MORF4L1: variants seen among roughly 807,000 people sequenced by gnomAD.
MORF4L1 encodes the protein mortality factor 4 like 1, also known as mortality factor 4-like protein 1.
Under a neutral mutation model 52.9 loss-of-function variants are expected in MORF4L1, and 4 were observed. The ratio of observed to expected loss-of-function variants is 0.08; its 90% CI spans 0.04 to 0.17. The LOEUF (loss-of-function observed/expected upper bound fraction) is 0.17, where lower values mean the gene tolerates loss of function less well. Among genes scored for constraint, MORF4L1 ranks in the 10% least tolerant of loss-of-function variants. The probability of loss-of-function intolerance (pLI) is 1.00; values close to 1 mark genes in which losing one functional copy is unlikely to be tolerated. For missense variants in MORF4L1, 214 were observed against 390.4 expected (o/e 0.55, Z 3.81); for synonymous variants, 123 against 134.8 (o/e 0.91, Z 0.61).
At chr15:78,894,677 G>A (rs112817522) in intron 10 of MORF4L1, 143 bp from the exon 11 acceptor site, 36,220 of 655,510 alleles carry the variant, frequency 0.055, 1,134 homozygotes, top group East Asian at 0.096. Flanking sequence ...CAAAGTGCTG[G>A]GATTACAGGC....
Position 78,898,027 on chromosome 15 carries a change from C to G in MORF4L1, c.*960C>G, listed in dbSNP as rs892228171. On this transcript the variant is annotated 3_prime_UTR_variant, in exon 12 of 12. Coordinates refer to ENST00000426013, the MANE Select transcript of MORF4L1 (RefSeq NM_006791.4). Reference sequence around the variant, plus strand: ...ATTTTCACCTGTGTAAAATTATGGTCAGCTTTTTTCTGTCTATAATTGTTT... The same window carrying G: ...ATTTTCACCTGTGTAAAATTATGGTGAGCTTTTTTCTGTCTATAATTGTTT... 4 of 152,088 alleles carry G rather than the reference C, an allele frequency of 2.6e-5. No homozygotes were observed. Among genetic ancestry groups the G allele is most frequent in the African/African-American group, 9.7e-5 (4 of 41,414 alleles). 9.4% of individuals were successfully genotyped at this position (152,088 alleles called of 1,614,324 possible). A position where few individuals can be genotyped will look rare whatever the true frequency, so the allele number is the denominator to read the frequency against.
chr15:78,889,227 C>G (rs1219710445), intron 5 of MORF4L1, among the ~76,000 whole-genome samples: 3 of 152,200 alleles, frequency 2.0e-5, no homozygotes, highest in African/African-American at 7.2e-5. Flanking sequence ...GAAGGATCCT[C>G]AGTCTAGACG....
chr15:78,894,253 A>G, intron 10 of MORF4L1, 23 bp downstream of exon 10: 1 of 1,570,608 alleles, frequency 6.4e-7, no homozygotes, highest in Non-Finnish European at 8.6e-7. Flanking sequence ...GTAGAAAATA[A>G]TGGATTTTAC....
At position 78,879,882 on chromosome 15, in the gene MORF4L1, G is replaced by C. The variant is rs181956996; in HGVS notation, c.88-630G>C. ...ACTAAACTGGCTGATTTTTCTCCTGGCACCTGACACTCTGGTGAACAATTT... is the reference window on the plus strand; with the variant it reads ...ACTAAACTGGCTGATTTTTCTCCTGCCACCTGACACTCTGGTGAACAATTT... On this transcript the variant is annotated intron_variant, in intron 2 of 11. Transcript: ENST00000426013. Among the ~76,000 whole-genome samples, 1,143 of 152,204 alleles carry C rather than the reference G, an allele frequency of 7.5e-3. 8 individuals carry two copies. The highest frequency in any genetic ancestry group is 0.013 in the Non-Finnish European group (898 of 68,006).
intron 3 of MORF4L1, among the ~76,000 whole-genome samples, 194 bp from the exon 4 acceptor site, chr15:78,885,944 ATGC>A (rs1392852924): frequency 2.6e-5 from 4 of 152,232 alleles, no homozygotes; most frequent in Non-Finnish European, 5.9e-5. Flanking sequence ...TAGATTTGGA[ATGC>A]TGCTTTTTGA....
Position 78,872,943 on chromosome 15 carries a change from A to C in MORF4L1, c.-75A>C. On this transcript the variant is annotated 5_prime_UTR_variant, in exon 1 of 12. Coordinates refer to ENST00000426013, the MANE Select transcript of MORF4L1 (RefSeq NM_006791.4). ...GTGCCTGACGGCGCGTCTGACGCGG[A>C]GTTGGGTGGGGTAGAGAGTAGGGGG... The C allele has an allele frequency of 7.0e-7, 1 of 1,436,854 alleles. No individual in the cohort carries two copies. The highest frequency in any genetic ancestry group is 2.8e-5 in the East Asian group (1 of 35,480). 89.0% of individuals were successfully genotyped at this position (1,436,854 alleles called of 1,614,324 possible). A position where few individuals can be genotyped will look rare whatever the true frequency, so the allele number is the denominator to read the frequency against.
At chr15:78,881,208 T>TTTTTTTTTTTTTTTG (rs5813941) in intron 3 of MORF4L1, among the ~76,000 whole-genome samples, 1 of 147,470 alleles carries the variant, frequency 6.8e-6, no homozygotes, top group African/African-American at 2.5e-5. Flanking sequence ...TTTTTTTTTT[T>TTTTTTTTTTTTTTTG]GAGAGATGGA....
intron 1 of MORF4L1, among the ~76,000 whole-genome samples, chr15:78,876,877 G>A (rs928002489): frequency 1.3e-5 from 2 of 152,136 alleles, no homozygotes; most frequent in Non-Finnish European, 2.9e-5. Context: ...TGCTCTGGGA[G>A]AGTCTAATAA....
chr15:78,894,280 T>C (rs1296814671), intron 10 of MORF4L1, 50 bp downstream of exon 10: 1 of 1,440,164 alleles, frequency 6.9e-7, no homozygotes, highest in East Asian at 2.4e-5. Context: ...GGGGGTCTTC[T>C]CTAAATGAAT....
intron 3 of MORF4L1, chr15:78,885,195 A>G (rs1012564725): frequency 1.9e-5 from 16 of 828,724 alleles, no homozygotes; most frequent in African/African-American, 3.5e-5. Context: ...TCATTAAACA[A>G]AAGAAAGTCT....
chr15:78,890,334 A>C (rs1447492657), intron 5 of MORF4L1, among the ~76,000 whole-genome samples: 1 of 152,138 alleles, frequency 6.6e-6, no homozygotes, highest in Non-Finnish European at 1.5e-5. Flanking sequence ...AAATCTAAAA[A>C]TATTTTGGGG....
intron 3 of MORF4L1, 76 bp from the exon 4 acceptor site, chr15:78,886,065 C>A (rs1030997118): frequency 2.6e-5 from 28 of 1,062,246 alleles, no homozygotes; most frequent in Non-Finnish European, 4.1e-5. Context: ...GAAATCCAGT[C>A]TTGCCTCTTG....
chr15:78,885,230 C>T (rs2056679782), intron 3 of MORF4L1: 2 of 553,614 alleles, frequency 3.6e-6, no homozygotes, highest in South Asian at 6.1e-5. Flanking sequence ...TAATTGGGTG[C>T]CTTGAGAGTA....
chr15:78,881,858 A>G (rs377567863), intron 3 of MORF4L1, among the ~76,000 whole-genome samples: 3 of 152,276 alleles, frequency 2.0e-5, no homozygotes, highest in South Asian at 4.1e-4. Context: ...CTGGTTTACT[A>G]TGGGATCAGT....
Position 78,896,965 on chromosome 15 carries a change from T to A in MORF4L1, c.888-18T>A. 6.2e-7 allele frequency: 1 copy of A among 1,606,804 alleles called. No homozygotes were observed. The highest frequency in any genetic ancestry group is 8.5e-7 in the Non-Finnish European group (1 of 1,174,710). On this transcript the variant is annotated intron_variant, in intron 11 of 11. Coordinates refer to ENST00000426013, the MANE Select transcript of MORF4L1 (RefSeq NM_006791.4). Reference sequence around the variant, plus strand: ...TAATGACCTTTAAAAATTTTTGTAATGAATATTTTATTTTTAGGTACCTGG... The same window carrying A: ...TAATGACCTTTAAAAATTTTTGTAAAGAATATTTTATTTTTAGGTACCTGG...
At chr15:78,882,297 A>G (rs1304428850) in intron 3 of MORF4L1, among the ~76,000 whole-genome samples, 1 of 152,224 alleles carries the variant, frequency 6.6e-6, no homozygotes, top group East Asian at 1.9e-4. Context: ...CCTGAGTGAC[A>G]GAGCAAGATC....
intron 1 of MORF4L1, among the ~76,000 whole-genome samples, chr15:78,875,836 G>A (rs2141586017): frequency 6.6e-6 from 1 of 152,206 alleles, no homozygotes; most frequent in African/African-American, 2.4e-5. Context: ...TCTTGCAAGG[G>A]AAAAAGAATA....
chr15:78,883,714 T>C (rs560447122), intron 3 of MORF4L1, among the ~76,000 whole-genome samples: 1 of 152,348 alleles, frequency 6.6e-6, no homozygotes, highest in African/African-American at 2.4e-5. Flanking sequence ...TGTCTTTGGT[T>C]GACTTGGCAT....
intron 1 of MORF4L1, among the ~76,000 whole-genome samples, chr15:78,875,084 A>G (rs994217396): frequency 5.3e-5 from 8 of 152,310 alleles, no homozygotes; most frequent in Non-Finnish European, 1.2e-4. Flanking sequence ...TTTGTCCTGT[A>G]ATGTCATAGA....
Sources: gnomAD v4.1 joint callset for allele counts (sites outside exome capture counted in the v4.1 genomes callset) on GRCh38, gnomAD v4.1.1 for gene constraint, MANE v1.5 for transcripts, NCBI Gene and HGNC (gene_info 2026-07-23, HGNC 2026-07-21) for gene names.